Variants in SLC22A23 observed in about 807,000 individuals in gnomAD.
The protein encoded by SLC22A23 is solute carrier family 22 member 23.
Under a neutral mutation model 61.0 loss-of-function variants are expected in SLC22A23, and 26 were observed. The ratio of observed to expected loss-of-function variants is 0.43; its 90% confidence interval spans 0.31 to 0.59. The LOEUF (loss-of-function observed/expected upper bound fraction) is 0.59. SLC22A23 is among the 20% of genes least tolerant of loss of function. SLC22A23 has a pLI of 0.11. For missense variants in SLC22A23, 796 were observed against 934.7 expected, an observed-to-expected ratio of 0.85 and a Z score of 1.94; for synonymous variants, 430 against 413.9, an observed-to-expected ratio of 1.04 and a Z score of -0.47.
intron 3 of SLC22A23, among the ~76,000 whole-genome samples, chr6:3,365,397 GGGAAACACA>G (rs1449409096): frequency 6.6e-6 from 1 of 152,104 alleles, no homozygotes; most frequent in African/African-American, 2.4e-5. Context: ...GTTTAATTTG[GGGAAACACA>G]GGAGTAGACT....
chr6:3,351,720 G>A lies in SLC22A23; in HGVS notation c.914-27718C>T, dbSNP rs567129032. The stretch of plus-strand genomic sequence containing the variant: ...CCTCCCCCAGCCACACTGTACCACA[G>A]GGTGGGCCCTATGGAGCCATATTTC... On this transcript the variant is annotated intron_variant, in intron 3 of 9. Coordinates refer to ENST00000406686, the MANE Select transcript of SLC22A23 (RefSeq NM_015482.2). 7.9e-5 allele frequency among the ~76,000 whole-genome samples: 12 copies of A among 152,314 alleles called. No individual in the cohort carries two copies. In the East Asian group the frequency reaches 2.3e-3, roughly 29 times the overall value.
At chr6:3,273,732 A>G (rs1294544727) in intron 9 of SLC22A23, among the ~76,000 whole-genome samples, 4 of 152,218 alleles carry the variant, frequency 2.6e-5, no homozygotes, top group Non-Finnish European at 5.9e-5. Flanking sequence ...AGCCTTATAT[A>G]ATACTACTGT....
At chr6:3,277,399 C>T (rs1055601760) in intron 9 of SLC22A23, among the ~76,000 whole-genome samples, 15 of 152,024 alleles carry the variant, frequency 9.9e-5, no homozygotes, top group African/African-American at 3.4e-4. Context: ...TCCTGCTCCC[C>T]GAGCCCTAGG....
At chr6:3,362,598 C>T (rs1208194448) in intron 3 of SLC22A23, among the ~76,000 whole-genome samples, 2 of 151,930 alleles carry the variant, frequency 1.3e-5, no homozygotes, top group Non-Finnish European at 2.9e-5. Flanking sequence ...CAAAGCCCCC[C>T]ATCCCATCTC....
intron 6 of SLC22A23, 88 bp from the exon 7 acceptor site, chr6:3,287,179 C>T: frequency 3.2e-6 from 4 of 1,251,226 alleles, no homozygotes; most frequent in Non-Finnish European, 3.4e-6. Flanking sequence ...GTCAGGTGAC[C>T]AGGAGATGAA....
At chr6:3,310,518 T>C (rs1033288956) in intron 4 of SLC22A23, among the ~76,000 whole-genome samples, 4 of 152,230 alleles carry the variant, frequency 2.6e-5, no homozygotes, top group Non-Finnish European at 5.9e-5. Flanking sequence ...CACATTCCCA[T>C]CTCTGTCCTC....
At chr6:3,332,598 T>C (rs948457144) in intron 3 of SLC22A23, among the ~76,000 whole-genome samples, 4 of 152,222 alleles carry the variant, frequency 2.6e-5, no homozygotes, top group Non-Finnish European at 5.9e-5. Flanking sequence ...CTCTCTTCTC[T>C]GTAATATTTT....
chr6:3,341,049 T>A (rs1047277550), intron 3 of SLC22A23, among the ~76,000 whole-genome samples: 18 of 152,104 alleles, frequency 1.2e-4, no homozygotes, highest in African/African-American at 4.3e-4. Context: ...AAGTCAGGGG[T>A]CACATGGCTC....
rs188964883 is a variant in SLC22A23, at chr6:3,368,201, G to A, written c.913+41987C>T. 1.4e-3 allele frequency among the ~76,000 whole-genome samples: 211 copies of A among 152,258 alleles called. 3 individuals carry two copies. Among genetic ancestry groups the A allele is most frequent in the African/African-American group, 4.7e-3 (197 of 41,548 alleles). ...GATGGCATCTGCATCTTGGGGATAC[G>A]TTCCCCTCTCCAGCCCCTCACACCC... On this transcript the variant is annotated intron_variant, in intron 3 of 9. Coordinates refer to ENST00000406686, the MANE Select transcript of SLC22A23 (RefSeq NM_015482.2).
At chr6:3,357,388 C>A (rs781488837) in intron 3 of SLC22A23, among the ~76,000 whole-genome samples, 5 of 152,130 alleles carry the variant, frequency 3.3e-5, no homozygotes, top group Non-Finnish European at 7.4e-5. Flanking sequence ...AAGGATTAAT[C>A]GCCTTATCAA....
intron 1 of SLC22A23, among the ~76,000 whole-genome samples, chr6:3,421,200 T>C (rs1306155865): frequency 6.6e-6 from 1 of 151,602 alleles, no homozygotes; most frequent in Admixed American, 6.6e-5. Flanking sequence ...AACAAAGAGG[T>C]ACAAATCTGT....
chr6:3,285,332 G>A (rs1759889385), intron 7 of SLC22A23, among the ~76,000 whole-genome samples: 1 of 152,246 alleles, frequency 6.6e-6, no homozygotes, highest in Admixed American at 6.5e-5. Flanking sequence ...GTGAGACCCT[G>A]CTGGCCTCAG....
At position 3,390,300 on chromosome 6, in the gene SLC22A23, A is replaced by C. The variant is rs1767583496; in HGVS notation, c.913+19888T>G. Among the ~76,000 whole-genome samples, 1 of 152,200 alleles carries C rather than the reference A, an allele frequency of 6.6e-6. No homozygotes were observed. On this transcript the variant is annotated intron_variant, in intron 3 of 9. Transcript: ENST00000406686. This position sits in a 1 kb window ranked among gnomAD's most constrained non-coding sequence, Gnocchi z 4.0. ...TCAGGTAATTGGCCTCAATCACAGA[A>C]TACTACTCAATTAGATTTTAAAAGA...
In SLC22A23 at chr6:3,387,891, C is replaced by A. The variant is rs183031994; in HGVS notation, c.913+22297G>T. ...GCAGGCCGCAGCGAGGATGTCCTGG[C>A]AGCCCACGACAGTCTGTGCCACGGC... On this transcript the variant is annotated intron_variant, in intron 3 of 9. Coordinates refer to ENST00000406686, the MANE Select transcript of SLC22A23 (RefSeq NM_015482.2). This position sits in a 1 kb window ranked among gnomAD's most constrained non-coding sequence, Gnocchi z 5.0. 6.4e-4 allele frequency among the ~76,000 whole-genome samples: 97 copies of A among 152,318 alleles called. No homozygotes were observed. Among genetic ancestry groups the A allele is most frequent in the African/African-American group, 2.2e-3 (92 of 41,566 alleles).
chr6:3,281,721 G>A (rs549728118), intron 9 of SLC22A23, among the ~76,000 whole-genome samples: 6 of 152,206 alleles, frequency 3.9e-5, no homozygotes, highest in African/African-American at 1.4e-4. Context: ...TCAGTCATTT[G>A]CAAGAAAGAG....
At chr6:3,452,307 C>T (rs997377099) in intron 1 of SLC22A23, among the ~76,000 whole-genome samples, 7 of 152,150 alleles carry the variant, frequency 4.6e-5, no homozygotes, top group African/African-American at 1.7e-4. Context: ...TTGGCACCTG[C>T]TATTAGTCTG....
In SLC22A23 at chr6:3,289,751, C is replaced by T. The variant is rs1760397840; in HGVS notation, c.1313+13G>A. 1.2e-6 allele frequency: 2 copies of T among 1,611,978 alleles called. No individual in the cohort carries two copies. The highest frequency in any genetic ancestry group is 2.2e-5 in the East Asian group (1 of 44,876). ...CCCTCCCACCCAGCTGGCACTTGTC[C>T]TCTGTGACTCACGAGTTCACACACA... On this transcript the variant is annotated intron_variant, in intron 6 of 9. Coordinates refer to ENST00000406686, the MANE Select transcript of SLC22A23 (RefSeq NM_015482.2).
chr6:3,392,066 C>T (rs1302359427), intron 3 of SLC22A23, among the ~76,000 whole-genome samples: 1 of 152,200 alleles, frequency 6.6e-6, no homozygotes, highest in Non-Finnish European at 1.5e-5. Context: ...AGTCATCCTC[C>T]AAGACCATGC....
intron 1 of SLC22A23, chr6:3,444,948 C>T (rs1182527745): frequency 5.1e-6 from 5 of 985,348 alleles, no homozygotes; most frequent in Admixed American, 1.2e-4. Flanking sequence ...CGACTCATCC[C>T]GGTCGTCCTC....
Sources: allele counts gnomAD v4.1 joint callset (sites outside exome capture counted in the v4.1 genomes callset), GRCh38; gene constraint gnomAD v4.1.1; non-coding constraint Gnocchi (gnomAD v3.1); transcripts MANE v1.5; gene names NCBI Gene and HGNC (gene_info 2026-07-23, HGNC 2026-07-21).